FRY: variants seen among roughly 807,000 people sequenced by gnomAD.
The protein encoded by FRY is FRY microtubule binding protein.
FRY carries 128 observed loss-of-function variants against 348.4 expected under a neutral mutation model. The observed-to-expected ratio is 0.37, with a 90% CI of 0.32 to 0.43. The LOEUF (loss-of-function observed/expected upper bound fraction) is 0.43. Among genes scored for constraint, FRY ranks in the 20% least tolerant of loss-of-function variants. The pLI is 1.00. For missense variants in FRY, 2,736 were observed against 3,695.2 expected (o/e 0.74, Z 6.73); for synonymous variants, 1,370 against 1,374.7 (o/e 1.00, Z 0.08).
At chr13:32,053,377 C>T (rs1873446582) in intron 1 of FRY, among the ~76,000 whole-genome samples, 2 of 152,154 alleles carry the variant, frequency 1.3e-5, no homozygotes. Flanking sequence ...ATTTGGCCTG[C>T]TAGATTTATG....
intron 47 of FRY, 114 bp downstream of exon 47, chr13:32,244,296 C>T: frequency 1.1e-6 from 1 of 945,000 alleles, no homozygotes; most frequent in Non-Finnish European, 1.7e-6. Context: ...CATTCCTTGA[C>T]ATCCATGGCA....
chr13:32,170,951 T>C, intron 17 of FRY, 61 bp from the exon 18 acceptor site: 1 of 1,190,110 alleles, frequency 8.4e-7, no homozygotes, highest in Admixed American at 1.7e-5. Flanking sequence ...TTAATCCTTG[T>C]TAGCTCTAGA....
Position 32,225,842 on chromosome 13 carries a change from C to T in FRY, c.5074C>T (p.His1692Tyr). Residue 1692 changes from histidine to tyrosine, a missense_variant, in exon 39 of 61, where the codon CAC (histidine) becomes TAC (tyrosine). Transcript: ENST00000542859. ...VFEHSKKLLL[H>Y]LLIALSCNSN... ...TGAACACAGCAAAAAACTGCTTCTT[C>T]ACCTCTTGATTGCCCTCTCTTGCAA... 1.2e-6 allele frequency: 2 copies of T among 1,614,080 alleles called. No individual in the cohort carries two copies. The highest frequency in any genetic ancestry group is 8.5e-7 in the Non-Finnish European group (1 of 1,179,952).
At chr13:32,293,954 T>G (rs1353973638) in intron 59 of FRY, among the ~76,000 whole-genome samples, 5 of 152,192 alleles carry the variant, frequency 3.3e-5, no homozygotes, top group African/African-American at 4.8e-5. Flanking sequence ...ATCTTCAGTC[T>G]CACAGATGAG....
chr13:32,128,439 G>C (rs1025845127), intron 7 of FRY, among the ~76,000 whole-genome samples: 3 of 152,154 alleles, frequency 2.0e-5, no homozygotes, highest in Admixed American at 2.0e-4. Flanking sequence ...TAGGCCCCCG[G>C]TAAATTATTA....
At chr13:32,113,887 A>AC (rs1269872760) in intron 3 of FRY, among the ~76,000 whole-genome samples, 4 of 152,196 alleles carry the variant, frequency 2.6e-5, no homozygotes, top group Non-Finnish European at 4.4e-5. Context: ...CCCCATGCTG[A>AC]CCTTTCATCC....
At chr13:32,111,334 CA>C (rs995166814) in intron 3 of FRY, among the ~76,000 whole-genome samples, 131 of 143,894 alleles carry the variant, frequency 9.1e-4, no homozygotes, top group Middle Eastern at 3.6e-3. Flanking sequence ...CTAAAAATAC[CA>C]AAAAAAAAAA....
At chr13:32,242,522 C>T (rs1593790747) in intron 46 of FRY, among the ~76,000 whole-genome samples, 1 of 151,054 alleles carries the variant, frequency 6.6e-6, no homozygotes, top group Non-Finnish European at 1.5e-5. Flanking sequence ...ATTATTTACT[C>T]ATGTTTTTTG....
intron 1 of FRY, among the ~76,000 whole-genome samples, chr13:32,055,226 G>A (rs1427347399): frequency 6.6e-6 from 1 of 151,876 alleles, no homozygotes; most frequent in Non-Finnish European, 1.5e-5. Flanking sequence ...TGTGTTTTTT[G>A]TAGAGACAGG....
intron 29 of FRY, among the ~76,000 whole-genome samples, chr13:32,199,315 G>A (rs1225884449): frequency 1.3e-5 from 2 of 152,176 alleles, no homozygotes; most frequent in Admixed American, 6.5e-5. Context: ...ACCACAGTAC[G>A]CATTACAAGA....
intron 11 of FRY, among the ~76,000 whole-genome samples, chr13:32,145,614 G>A (rs570069494): frequency 8.4e-5 from 12 of 143,370 alleles, no homozygotes; most frequent in East Asian, 2.1e-4. Flanking sequence ...GTGCAATCTC[G>A]GCTCACTGCA....
Position 32,158,887 on chromosome 13 carries a change from C to G in FRY, c.1784+1482C>G, listed in dbSNP as rs147100359. Among the ~76,000 whole-genome samples the G allele has an allele frequency of 6.1e-3, 889 of 145,932 alleles. 7 individuals are homozygous for G. Among genetic ancestry groups the G allele is most frequent in the African/African-American group, 0.021 (836 of 39,592 alleles). ...GAGCCAAGATTGCACCACTGCATTC[C>G]AGCCTGGGCGACAGTGAAACTGTTC... On this transcript the variant is annotated intron_variant, in intron 16 of 60. Transcript: ENST00000542859.
At chr13:32,059,075 A>G (rs1157239541) in intron 1 of FRY, among the ~76,000 whole-genome samples, 2 of 152,194 alleles carry the variant, frequency 1.3e-5, no homozygotes, top group African/African-American at 4.8e-5. Flanking sequence ...GATCAGAATC[A>G]AGGTCAGTCC....
chr13:32,274,516 A>G (rs897058326), intron 55 of FRY, among the ~76,000 whole-genome samples: 15 of 151,724 alleles, frequency 9.9e-5, no homozygotes, highest in African/African-American at 1.5e-4. Context: ...CATCCTGGCT[A>G]ACACAGTGAA....
chr13:32,219,331 C>T (rs1363871084), intron 36 of FRY, among the ~76,000 whole-genome samples: 6 of 149,384 alleles, frequency 4.0e-5, no homozygotes, highest in South Asian at 2.1e-4. Flanking sequence ...CCTCATGATC[C>T]GCCCGCCTCG....
intron 2 of FRY, among the ~76,000 whole-genome samples, chr13:32,083,146 C>T (rs1195111602): frequency 6.6e-6 from 1 of 152,084 alleles, no homozygotes; most frequent in Non-Finnish European, 1.5e-5. Flanking sequence ...CTCTTTGTCT[C>T]TTCTGCATTC....
chr13:32,293,893 G>A (rs574281915), intron 59 of FRY, among the ~76,000 whole-genome samples: 16 of 152,272 alleles, frequency 1.1e-4, no homozygotes, highest in Non-Finnish European at 2.2e-4. Flanking sequence ...TAAGCATTTT[G>A]TATATATTAT....
chr13:32,164,752 C>A (rs1881638535), intron 17 of FRY, among the ~76,000 whole-genome samples: 1 of 152,186 alleles, frequency 6.6e-6, no homozygotes, highest in African/African-American at 2.4e-5. Context: ...CTGTCTGGAT[C>A]CCTGAGGATT....
intron 23 of FRY, among the ~76,000 whole-genome samples, chr13:32,181,395 G>T (rs563586168): frequency 1.3e-5 from 2 of 151,594 alleles, no homozygotes; most frequent in East Asian, 3.9e-4. Context: ...AGGAGTTTAA[G>T]ACCAGCCTGG....
Sources: allele counts gnomAD v4.1 joint callset (sites outside exome capture counted in the v4.1 genomes callset), GRCh38; gene constraint gnomAD v4.1.1; transcripts MANE v1.5; gene names NCBI Gene and HGNC (gene_info 2026-07-23, HGNC 2026-07-21).